CDC73: variants seen among roughly 807,000 people sequenced by gnomAD.
CDC73 encodes parafibromin.
In CDC73, 21 loss-of-function variants were observed where a neutral mutation model predicts 83.7. The ratio of observed to expected loss-of-function variants is 0.25; its 90% confidence interval spans 0.18 to 0.36. The LOEUF is 0.36. CDC73 is among the 10% of genes least tolerant of loss of function. The probability of loss-of-function intolerance (pLI) is 1.00; values close to 1 mark genes in which losing one functional copy is unlikely to be tolerated. For missense variants in CDC73, 342 were observed against 653.3 expected, an observed-to-expected ratio of 0.52 and a Z score of 5.19; for synonymous variants, 224 against 212.9, an observed-to-expected ratio of 1.05 and a Z score of -0.45.
At chr1:193,200,116 C>G (rs903278968) in intron 10 of CDC73, among the ~76,000 whole-genome samples, 1 of 151,650 alleles carries the variant, frequency 6.6e-6, no homozygotes, top group African/African-American at 2.4e-5. Flanking sequence ...TGGTGCGTGC[C>G]TGGAGGCTGA....
At chr1:193,160,960 T>A (rs978050199) in intron 10 of CDC73, among the ~76,000 whole-genome samples, 1 of 152,092 alleles carries the variant, frequency 6.6e-6, no homozygotes, top group African/African-American at 2.4e-5. Flanking sequence ...AGTGACTTTT[T>A]AATCTTTTAT....
chr1:193,200,095 G>A lies in CDC73; in HGVS notation c.973-3700G>A, dbSNP rs148120213. On this transcript the variant is annotated intron_variant, in intron 10 of 16. Coordinates refer to ENST00000367435, the MANE Select transcript of CDC73 (RefSeq NM_024529.5). ...AAAAAAAAACAAAAAACAAAAACTA[G>A]CCTGGCATGGTGGTGCGTGCCTGGA... Among the ~76,000 whole-genome samples the A allele has an allele frequency of 2.6e-3, 395 of 151,120 alleles. 2 individuals carry two copies. Among genetic ancestry groups the A allele is most frequent in the African/African-American group, 8.9e-3 (368 of 41,226 alleles).
chr1:193,165,510 TCTG>T (rs750647213), intron 10 of CDC73, among the ~76,000 whole-genome samples: 5 of 152,218 alleles, frequency 3.3e-5, no homozygotes, highest in Admixed American at 6.5e-5. Flanking sequence ...ATTAAAAAAT[TCTG>T]CTGTGACATA....
chr1:193,173,213 C>T (rs932843265), intron 10 of CDC73, among the ~76,000 whole-genome samples: 2 of 152,108 alleles, frequency 1.3e-5, no homozygotes, highest in African/African-American at 4.8e-5. Context: ...AAGGGTATGC[C>T]TTATTCTATT....
intron 15 of CDC73, among the ~76,000 whole-genome samples, chr1:193,242,955 CTT>C (rs530654324): frequency 2.1e-4 from 30 of 142,120 alleles, no homozygotes; most frequent in Admixed American, 4.2e-4. Context: ...TCTTCTTCTT[CTT>C]TTTTTTTTTT....
At chr1:193,224,647 A>G (rs916081136) in intron 13 of CDC73, among the ~76,000 whole-genome samples, 3 of 152,194 alleles carry the variant, frequency 2.0e-5, no homozygotes, top group African/African-American at 7.2e-5. Context: ...ATATGAAATC[A>G]TTCGCATATA....
chr1:193,181,547 T>C (rs1676717131), intron 10 of CDC73: 1 of 1,593,016 alleles, frequency 6.3e-7, no homozygotes, highest in Non-Finnish European at 8.5e-7. Flanking sequence ...CAGTGTCTTC[T>C]CCTCCACTGA....
At chr1:193,139,746 T>A (rs950388384) in intron 6 of CDC73, among the ~76,000 whole-genome samples, 8 of 152,204 alleles carry the variant, frequency 5.3e-5, no homozygotes, top group Non-Finnish European at 1.2e-4. Context: ...TTTGTTACTT[T>A]TGGGTCTTGA....
chr1:193,135,097 G>A (rs1208480384), intron 3 of CDC73, among the ~76,000 whole-genome samples: 3 of 151,946 alleles, frequency 2.0e-5, no homozygotes, highest in African/African-American at 7.3e-5. Context: ...CACCTTTTTA[G>A]GTGTCTGTGT....
At chr1:193,181,060 C>T in intron 10 of CDC73, 4 of 1,613,946 alleles carry the variant, frequency 2.5e-6, no homozygotes, top group Non-Finnish European at 3.4e-6. Flanking sequence ...CCGAATAGCT[C>T]TTCTAGCTTC....
At chr1:193,202,669 C>A (rs1677113384) in intron 10 of CDC73, among the ~76,000 whole-genome samples, 1 of 140,168 alleles carries the variant, frequency 7.1e-6, no homozygotes, top group Admixed American at 7.5e-5. Context: ...GCTCCTGCGG[C>A]TGTTGTTTCT....
At chr1:193,245,878 A>G (rs1677945816) in intron 15 of CDC73, among the ~76,000 whole-genome samples, 1 of 152,066 alleles carries the variant, frequency 6.6e-6, no homozygotes, top group Non-Finnish European at 1.5e-5. Flanking sequence ...GGATTTCCTG[A>G]CGATTAGTGA....
In CDC73 at chr1:193,144,464, A is replaced by G. The variant is rs776621563; in HGVS notation, c.729+2398A>G. Among the ~76,000 whole-genome samples, 3 of 152,110 alleles carry G rather than the reference A, an allele frequency of 2.0e-5. No individual in the cohort carries two copies. In the South Asian group the frequency reaches 6.2e-4, roughly 32 times the overall value. On this transcript the variant is annotated intron_variant, in intron 7 of 16. Transcript: ENST00000367435. ...ATTTTCAACTATTTTTTATAATAAG[A>G]CTAAGATTTTATGTGCATTTTTCAT...
At chr1:193,249,286 G>C (rs1678005371) in intron 15 of CDC73, among the ~76,000 whole-genome samples, 1 of 152,018 alleles carries the variant, frequency 6.6e-6, no homozygotes, top group Non-Finnish European at 1.5e-5. Context: ...ATTAGGGGAT[G>C]TACACTGTTT....
chr1:193,175,764 C>A (rs1418539999), intron 10 of CDC73, among the ~76,000 whole-genome samples: 3 of 152,190 alleles, frequency 2.0e-5, no homozygotes. Context: ...GGGACTTGAG[C>A]ATCTGTGGAT....
chr1:193,216,331 A>G (rs1191867407), intron 13 of CDC73, among the ~76,000 whole-genome samples: 1 of 152,186 alleles, frequency 6.6e-6, no homozygotes, highest in African/African-American at 2.4e-5. Flanking sequence ...CACAAACTAG[A>G]ATACCTAAAA....
At chr1:193,226,918 A>G (rs896273428) in intron 13 of CDC73, among the ~76,000 whole-genome samples, 3 of 152,164 alleles carry the variant, frequency 2.0e-5, no homozygotes, top group African/African-American at 4.8e-5. Context: ...AATGTCTGAT[A>G]CAATTCAGCT....
At chr1:193,122,537 A>G (rs1219376640) in intron 1 of CDC73, 10 of 568,100 alleles carry the variant, frequency 1.8e-5, no homozygotes, top group Non-Finnish European at 3.1e-5. Context: ...CATCACTTAA[A>G]ATTTTTGAGA....
At chr1:193,203,958 T>C (rs1430423431) in intron 11 of CDC73, 106 bp downstream of exon 11, 16 of 888,164 alleles carry the variant, frequency 1.8e-5, no homozygotes. Flanking sequence ...TTACTTAAAA[T>C]ACATTGCAAA....
Sources: allele counts gnomAD v4.1 joint callset (sites outside exome capture counted in the v4.1 genomes callset), GRCh38; gene constraint gnomAD v4.1.1; transcripts MANE v1.5; gene names NCBI Gene and HGNC (gene_info 2026-07-23, HGNC 2026-07-21).